The following PLCB1 variants were observed in gnomAD, a reference collection of about 807,000 sequenced individuals.
PLCB1 encodes 1-phosphatidylinositol 4,5-bisphosphate phosphodiesterase beta-1.
PLCB1 carries 46 observed loss-of-function variants against 161.8 expected under a neutral mutation model. The ratio of observed to expected loss-of-function variants is 0.28; its 90% confidence interval spans 0.22 to 0.36. PLCB1 has a LOEUF of 0.36. PLCB1 is among the 10% of genes least tolerant of loss of function. The pLI is 1.00. For synonymous variants in PLCB1, 517 were observed against 503.7 expected (o/e 1.03, Z -0.35); for missense variants, 1,016 against 1,472.5 (o/e 0.69, Z 5.07).
At chr20:8,793,490 A>AT (rs927579716) in intron 31 of PLCB1, among the ~76,000 whole-genome samples, 11 of 151,958 alleles carry the variant, frequency 7.2e-5, no homozygotes, top group Non-Finnish European at 1.3e-4. Flanking sequence ...AAAGAGAGAA[A>AT]TTTTAAGGCT....
chr20:8,768,612 A>C (rs1373134571), intron 26 of PLCB1, among the ~76,000 whole-genome samples: 1 of 152,244 alleles, frequency 6.6e-6, no homozygotes, highest in South Asian at 2.1e-4. Flanking sequence ...AAGTAAGTAC[A>C]GGCATCACCC....
chr20:8,620,132 C>A (rs1988139946), intron 3 of PLCB1, among the ~76,000 whole-genome samples: 1 of 152,106 alleles, frequency 6.6e-6, no homozygotes. Flanking sequence ...TGATCAAAAT[C>A]AAATCTGCAA....
At chr20:8,488,677 A>T (rs1600102970) in intron 3 of PLCB1, among the ~76,000 whole-genome samples, 1 of 152,290 alleles carries the variant, frequency 6.6e-6, no homozygotes, top group Non-Finnish European at 1.5e-5. Flanking sequence ...GACTCATTCG[A>T]ATCATTTAAA....
chr20:8,547,573 A>G (rs1985601457), intron 3 of PLCB1, among the ~76,000 whole-genome samples: 1 of 152,092 alleles, frequency 6.6e-6, no homozygotes, highest in Non-Finnish European at 1.5e-5. Flanking sequence ...GTTCTGAAAT[A>G]GTACTTCTGG....
At chr20:8,874,711 T>C in intron 31 of PLCB1, among the ~76,000 whole-genome samples, 1 of 152,022 alleles carries the variant, frequency 6.6e-6, no homozygotes, top group East Asian at 1.9e-4. Flanking sequence ...ATTAAGGTAG[T>C]TTTCACAGGC....
Position 8,347,959 on chromosome 20 carries a change from G to C in PLCB1, c.178-23423G>C, listed in dbSNP as rs531283582. On this transcript the variant is annotated intron_variant, in intron 2 of 31. Coordinates refer to ENST00000338037, the MANE Select transcript of PLCB1 (RefSeq NM_015192.4). ...TGCACTCCAGCCTGGGTGACAGAGCGAGACTCCATCTCAAAAAAAAGAAAA... is the reference window on the plus strand; with the variant it reads ...TGCACTCCAGCCTGGGTGACAGAGCCAGACTCCATCTCAAAAAAAAGAAAA... Among the ~76,000 whole-genome samples the C allele has an allele frequency of 2.0e-5, 3 of 151,202 alleles. No homozygotes were observed. In the East Asian group the frequency reaches 5.8e-4, roughly 29 times the overall value.
chr20:8,527,737 T>G (rs1984639017), intron 3 of PLCB1, among the ~76,000 whole-genome samples: 1 of 152,084 alleles, frequency 6.6e-6, no homozygotes, highest in South Asian at 2.1e-4. Flanking sequence ...CATCAAGCTG[T>G]AAACTTAAGA....
At chr20:8,691,986 A>G (rs1990489941) in intron 10 of PLCB1, among the ~76,000 whole-genome samples, 1 of 152,130 alleles carries the variant, frequency 6.6e-6, no homozygotes, top group East Asian at 1.9e-4. Context: ...TACAACCTAT[A>G]CTTGTGCACC....
At chr20:8,568,377 G>A (rs1297635881) in intron 3 of PLCB1, among the ~76,000 whole-genome samples, 1 of 152,112 alleles carries the variant, frequency 6.6e-6, no homozygotes, top group Non-Finnish European at 1.5e-5. Flanking sequence ...AACATATGCT[G>A]CCTTCATTTC....
intron 21 of PLCB1, 40 bp from the exon 22 acceptor site, chr20:8,740,304 A>T (rs1980805321): frequency 9.3e-7 from 1 of 1,080,812 alleles, no homozygotes; most frequent in East Asian, 2.4e-5. Flanking sequence ...TAACATTGGA[A>T]AGGAAATATG....
At chr20:8,739,846 A>C (rs1600289213) in intron 21 of PLCB1, among the ~76,000 whole-genome samples, 1 of 152,286 alleles carries the variant, frequency 6.6e-6, no homozygotes, top group East Asian at 1.9e-4. Context: ...CTGTTGACTA[A>C]AGCAGAGCTT....
chr20:8,529,723 T>C (rs1984725651), intron 3 of PLCB1, among the ~76,000 whole-genome samples: 1 of 152,128 alleles, frequency 6.6e-6, no homozygotes, highest in Non-Finnish European at 1.5e-5. Context: ...CCAGCCATCC[T>C]GTGCCCTTCC....
At chr20:8,237,728 T>C (rs551316411) in intron 2 of PLCB1, among the ~76,000 whole-genome samples, 1 of 152,232 alleles carries the variant, frequency 6.6e-6, no homozygotes, top group African/African-American at 2.4e-5. Context: ...TACCCTGATG[T>C]AGACACAAAT....
intron 2 of PLCB1, among the ~76,000 whole-genome samples, chr20:8,284,439 C>A (rs908613272): frequency 2.0e-5 from 3 of 151,956 alleles, no homozygotes; most frequent in African/African-American, 7.3e-5. Flanking sequence ...AGTTTTATTT[C>A]TTTGTAAGAA....
In PLCB1 at chr20:8,327,093, C is replaced by G. The variant is rs1294371757; in HGVS notation, c.178-44289C>G. Among the ~76,000 whole-genome samples the G allele has an allele frequency of 3.3e-5, 5 of 152,230 alleles. 1 individual carries two copies. Among genetic ancestry groups the G allele is most frequent in the Admixed American group, 2.0e-4 (3 of 15,288 alleles). On this transcript the variant is annotated intron_variant, in intron 2 of 31. Coordinates refer to ENST00000338037, the MANE Select transcript of PLCB1 (RefSeq NM_015192.4). Reference sequence around the variant, plus strand: ...GAGAGACTGAGTTTCGCCATTTTGCCCAGACTGGCCTTGAACTTTTGAGCT... The same window carrying G: ...GAGAGACTGAGTTTCGCCATTTTGCGCAGACTGGCCTTGAACTTTTGAGCT...
chr20:8,202,380 TG>T (rs1352366595), intron 2 of PLCB1, among the ~76,000 whole-genome samples: 3 of 152,240 alleles, frequency 2.0e-5, no homozygotes, highest in Admixed American at 6.5e-5. Flanking sequence ...CAGCCTATAA[TG>T]TTTTTTTTAC....
intron 2 of PLCB1, among the ~76,000 whole-genome samples, chr20:8,318,765 GTGGGCCAATAAGA>G (rs1234661799): frequency 6.6e-6 from 1 of 152,110 alleles, no homozygotes; most frequent in African/African-American, 2.4e-5. Context: ...AATGTTTTCA[GTGGGCCAATAAGA>G]TGGTTACTTT....
At chr20:8,239,992 G>A (rs1241442733) in intron 2 of PLCB1, among the ~76,000 whole-genome samples, 1 of 151,866 alleles carries the variant, frequency 6.6e-6, no homozygotes, top group African/African-American at 2.4e-5. Context: ...ATCAGTTATG[G>A]TTTACAAAGC....
chr20:8,580,638 C>T (rs1167264434), intron 3 of PLCB1, among the ~76,000 whole-genome samples: 1 of 152,238 alleles, frequency 6.6e-6, no homozygotes, highest in African/African-American at 2.4e-5. Context: ...TAATGATTTA[C>T]TGCACAACTA....
Sources: allele counts gnomAD v4.1 joint callset (sites outside exome capture counted in the v4.1 genomes callset), GRCh38; gene constraint gnomAD v4.1.1; transcripts MANE v1.5; gene names NCBI Gene and HGNC (gene_info 2026-07-23, HGNC 2026-07-21).